Variants in ELMO1 observed in about 807,000 individuals in gnomAD.
ELMO1 encodes the protein engulfment and cell motility 1, also known as engulfment and cell motility protein 1.
Under a neutral mutation model 98.9 loss-of-function variants are expected in ELMO1, and 26 were observed. The observed-to-expected ratio is 0.26, with a 90% CI of 0.19 to 0.36. The LOEUF is 0.36. ELMO1 is among the 10% of genes least tolerant of loss of function. ELMO1 has a pLI of 1.00. For synonymous variants in ELMO1, 346 were observed against 346.0 expected (o/e 1.00, Z 0.00); for missense variants, 627 against 935.2 (o/e 0.67, Z 4.30).
chr7:36,885,196 G>A (rs952404619), intron 18 of ELMO1, among the ~76,000 whole-genome samples: 4 of 152,066 alleles, frequency 2.6e-5, no homozygotes, highest in Non-Finnish European at 2.9e-5. Context: ...AAACACAGAT[G>A]GTCATGCTCC....
intron 13 of ELMO1, among the ~76,000 whole-genome samples, chr7:37,205,477 A>G (rs947135078): frequency 6.6e-6 from 1 of 152,206 alleles, no homozygotes; most frequent in Non-Finnish European, 1.5e-5. Flanking sequence ...ACAAACCCAT[A>G]TATTTTCGTA....
chr7:37,181,408 A>G (rs963326182), intron 13 of ELMO1, among the ~76,000 whole-genome samples: 1 of 152,018 alleles, frequency 6.6e-6, no homozygotes, highest in African/African-American at 2.4e-5. Flanking sequence ...TTCACATTTT[A>G]ATTAAATCAT....
At chr7:37,187,456 T>A (rs1791279727) in intron 13 of ELMO1, among the ~76,000 whole-genome samples, 2 of 152,190 alleles carry the variant, frequency 1.3e-5, no homozygotes, top group Non-Finnish European at 2.9e-5. Context: ...GTCTATAAAT[T>A]ATACATCAAT....
intron 15 of ELMO1, among the ~76,000 whole-genome samples, chr7:37,095,613 C>A (rs1055688524): frequency 6.6e-6 from 1 of 152,198 alleles, no homozygotes; most frequent in Admixed American, 6.5e-5. Context: ...CAACCAGGCT[C>A]AATTTCTTAG....
chr7:37,355,089 T>C (rs1022761719), intron 1 of ELMO1, among the ~76,000 whole-genome samples: 2 of 152,178 alleles, frequency 1.3e-5, no homozygotes, highest in African/African-American at 4.8e-5. Flanking sequence ...TTAGGCTCTT[T>C]CTCCCGGCCT....
At chr7:37,416,805 G>A (rs1361667192) in intron 1 of ELMO1, among the ~76,000 whole-genome samples, 2 of 152,164 alleles carry the variant, frequency 1.3e-5, no homozygotes, top group African/African-American at 4.8e-5. Flanking sequence ...GCAAATACTT[G>A]GAGCAAAATT....
At chr7:36,988,550 G>T (rs910062756) in intron 16 of ELMO1, among the ~76,000 whole-genome samples, 1 of 152,190 alleles carries the variant, frequency 6.6e-6, no homozygotes, top group Non-Finnish European at 1.5e-5. Context: ...GTGATATGGA[G>T]TATAAAAACA....
chr7:36,934,711 T>C (rs1280617452), intron 16 of ELMO1, among the ~76,000 whole-genome samples: 1 of 152,196 alleles, frequency 6.6e-6, no homozygotes, highest in African/African-American at 2.4e-5. Flanking sequence ...CTAAACAAAA[T>C]GTCCTTGAAA....
rs570993994 is a variant in ELMO1 at position 37,249,550 on chromosome 7, A to G, written c.414-5159T>C. 2.6e-5 allele frequency among the ~76,000 whole-genome samples: 4 copies of G among 152,310 alleles called. No homozygotes were observed. The East Asian group carries it at 7.7e-4, about 29-fold the overall frequency. On this transcript the variant is annotated intron_variant, in intron 6 of 21. Transcript: ENST00000310758. ...GATTAGTGAGAACTCCACAAATACCACTGCTATCTTTCTGAGGAAAACCAG... is the reference window on the plus strand; with the variant it reads ...GATTAGTGAGAACTCCACAAATACCGCTGCTATCTTTCTGAGGAAAACCAG...
At chr7:36,931,276 C>A (rs766348901) in intron 16 of ELMO1, among the ~76,000 whole-genome samples, 55 of 152,226 alleles carry the variant, frequency 3.6e-4, no homozygotes, top group Non-Finnish European at 6.2e-4. Context: ...GGTGTAAGAA[C>A]TTGTGGCCTT....
chr7:37,317,753 G>A (rs1799268359), intron 2 of ELMO1, among the ~76,000 whole-genome samples: 1 of 152,144 alleles, frequency 6.6e-6, no homozygotes, highest in African/African-American at 2.4e-5. Flanking sequence ...ATAAGACCTA[G>A]TATTTGGTAG....
chr7:36,884,969 A>G (rs551662803), intron 18 of ELMO1, among the ~76,000 whole-genome samples: 30 of 152,306 alleles, frequency 2.0e-4, no homozygotes, highest in Non-Finnish European at 5.9e-5. Context: ...GATCTCATGT[A>G]GAAGTGCGTC....
chr7:36,920,869 G>A (rs1030506271), intron 16 of ELMO1, among the ~76,000 whole-genome samples: 1 of 152,066 alleles, frequency 6.6e-6, no homozygotes, highest in Non-Finnish European at 1.5e-5. Flanking sequence ...CAGTGTCAAG[G>A]TCTTCATCTA....
intron 14 of ELMO1, among the ~76,000 whole-genome samples, chr7:37,121,200 T>C (rs1584677626): frequency 6.6e-6 from 1 of 151,968 alleles, no homozygotes; most frequent in South Asian, 2.1e-4. Flanking sequence ...AAACTGAAAA[T>C]TCTAAAAATC....
At chr7:37,135,724 C>G (rs978064385) in intron 13 of ELMO1, among the ~76,000 whole-genome samples, 1 of 152,200 alleles carries the variant, frequency 6.6e-6, no homozygotes, top group Non-Finnish European at 1.5e-5. Flanking sequence ...AGAATCTGAA[C>G]AGTAGTCCTT....
intron 18 of ELMO1, among the ~76,000 whole-genome samples, chr7:36,884,241 C>T (rs557001506): frequency 6.6e-6 from 1 of 151,042 alleles, no homozygotes; most frequent in African/African-American, 2.4e-5. Flanking sequence ...TGCTTGAACC[C>T]AGGAGGCAGA....
At chr7:37,153,829 C>T (rs990729232) in intron 13 of ELMO1, among the ~76,000 whole-genome samples, 27 of 152,262 alleles carry the variant, frequency 1.8e-4, no homozygotes, top group East Asian at 1.9e-4. Context: ...GTTCAAGATC[C>T]GATAATGAAC....
intron 16 of ELMO1, among the ~76,000 whole-genome samples, chr7:36,902,329 C>A (rs1468273716): frequency 6.6e-6 from 1 of 152,232 alleles, no homozygotes; most frequent in Non-Finnish European, 1.5e-5. Flanking sequence ...ACTTCTCCTG[C>A]CTCTGTTTCT....
At chr7:37,343,643 G>C (rs1800835994) in intron 1 of ELMO1, among the ~76,000 whole-genome samples, 1 of 151,968 alleles carries the variant, frequency 6.6e-6, no homozygotes, top group Non-Finnish European at 1.5e-5. Context: ...CACCACGCCT[G>C]GCTAATTTTT....
Sources: gnomAD v4.1 joint callset for allele counts (sites outside exome capture counted in the v4.1 genomes callset) on GRCh38, gnomAD v4.1.1 for gene constraint, MANE v1.5 for transcripts, NCBI Gene and HGNC (gene_info 2026-07-23, HGNC 2026-07-21) for gene names.